The following ADAMTS2 variants were observed in gnomAD, a reference collection of about 807,000 sequenced individuals.
ADAMTS2 encodes the protein ADAM metallopeptidase with thrombospondin type 1 motif 2, also known as A disintegrin and metalloproteinase with thrombospondin motifs 2.
Under a neutral mutation model 123.0 loss-of-function variants are expected in ADAMTS2, and 50 were observed. The ratio of observed to expected loss-of-function variants is 0.41; its 90% CI spans 0.32 to 0.51. The LOEUF (loss-of-function observed/expected upper bound fraction) is 0.51. Among genes scored for constraint, ADAMTS2 ranks in the 20% least tolerant of loss-of-function variants. ADAMTS2 has a pLI of 0.35. For synonymous variants in ADAMTS2, 678 were observed against 695.4 expected, an observed-to-expected ratio of 0.98 and a Z score of 0.39; for missense variants, 1,494 against 1,705.2, an observed-to-expected ratio of 0.88 and a Z score of 2.18.
At chr5:179,134,276 C>T (rs1327315414) in intron 13 of ADAMTS2, among the ~76,000 whole-genome samples, 6 of 152,066 alleles carry the variant, frequency 3.9e-5, no homozygotes, top group Admixed American at 3.9e-4. Context: ...GTATCCAGTT[C>T]TAAGGGACAG....
chr5:179,273,576 T>C (rs1766606061), intron 2 of ADAMTS2, among the ~76,000 whole-genome samples: 1 of 152,124 alleles, frequency 6.6e-6, no homozygotes, highest in Non-Finnish European at 1.5e-5. Flanking sequence ...AAGCTAACAC[T>C]CAGAATGATG....
chr5:179,134,794 C>T (rs539945496), intron 13 of ADAMTS2, among the ~76,000 whole-genome samples: 197 of 58,208 alleles, frequency 3.4e-3, no homozygotes, highest in Middle Eastern at 9.6e-3. Context: ...CTCCCGGCTC[C>T]AGCCCCCAGC....
At chr5:179,217,836 AGAC>A (rs1561811370) in intron 3 of ADAMTS2, among the ~76,000 whole-genome samples, 92 of 86,512 alleles carry the variant, frequency 1.1e-3, no homozygotes, top group African/African-American at 4.2e-3. Flanking sequence ...GCCTGAGGGC[AGAC>A]AGGCACACTC....
At chr5:179,245,780 A>AG (rs1561628444) in intron 3 of ADAMTS2, among the ~76,000 whole-genome samples, 1 of 131,952 alleles carries the variant, frequency 7.6e-6, no homozygotes, top group Non-Finnish European at 1.6e-5. Context: ...AAAAAAAAAA[A>AG]AAAAAAAAAA....
intron 3 of ADAMTS2, among the ~76,000 whole-genome samples, chr5:179,223,469 C>G (rs1012357680): frequency 1.3e-5 from 2 of 150,800 alleles, no homozygotes; most frequent in South Asian, 4.2e-4. Context: ...CACACGAATG[C>G]ACTCACACAC....
At chr5:179,226,186 C>A (rs1765279291) in intron 3 of ADAMTS2, among the ~76,000 whole-genome samples, 1 of 151,342 alleles carries the variant, frequency 6.6e-6, no homozygotes, top group Non-Finnish European at 1.5e-5. Flanking sequence ...AGCAGCTTTT[C>A]TTTTCTTCTT....
In ADAMTS2 at chr5:179,242,821, T is replaced by A. The variant is rs1201687864; in HGVS notation, c.688+30090A>T. On this transcript the variant is annotated intron_variant, in intron 3 of 21. Coordinates refer to ENST00000251582, the MANE Select transcript of ADAMTS2 (RefSeq NM_014244.5). The surrounding 1 kb of genome is among the most constrained non-coding windows in gnomAD (Gnocchi z 4.2). ...GATGGGCCACCAGCGTTTCTCATCATCTCCAACTCCCAGTGACAGAGGGTA... is the reference window on the plus strand; with the variant it reads ...GATGGGCCACCAGCGTTTCTCATCAACTCCAACTCCCAGTGACAGAGGGTA... Among the ~76,000 whole-genome samples the A allele has an allele frequency of 6.6e-6, 1 of 152,062 alleles. No homozygotes were observed. The highest frequency in any genetic ancestry group is 1.9e-4 in the East Asian group (1 of 5,178).
chr5:179,132,207 A>C lies in ADAMTS2; in HGVS notation c.2290+23T>G, dbSNP rs745945253. On this transcript the variant is annotated intron_variant, in intron 15 of 21. Coordinates refer to ENST00000251582, the MANE Select transcript of ADAMTS2 (RefSeq NM_014244.5). This position sits in a 1 kb window ranked among gnomAD's most constrained non-coding sequence, Gnocchi z 6.1. ...GAGGAGCCAGGTCCTGAGGACGTCAAGTTGTCCGGCTCTGAGACTCACCCA... is the reference window on the plus strand; with the variant it reads ...GAGGAGCCAGGTCCTGAGGACGTCACGTTGTCCGGCTCTGAGACTCACCCA... The C allele has an allele frequency of 4.3e-6, 7 of 1,611,948 alleles. No individual in the cohort carries two copies. The highest frequency in any genetic ancestry group is 5.9e-6 in the Non-Finnish European group (7 of 1,178,696).
In ADAMTS2 at chr5:179,155,678, C is replaced by T. The variant is rs975996082; in HGVS notation, c.1133-759G>A. Among the ~76,000 whole-genome samples the T allele has an allele frequency of 2.0e-5, 3 of 152,180 alleles. No homozygotes were observed. Among genetic ancestry groups the T allele is most frequent in the Admixed American group, 6.5e-5 (1 of 15,280 alleles). ...GATGGATAATGAGACCTATTCACTT[C>T]CCCAGCTCCTGTCTCAGCAGAGGGA... On this transcript the variant is annotated intron_variant, in intron 6 of 21. Transcript: ENST00000251582. The surrounding 1 kb of genome is among the most constrained non-coding windows in gnomAD (Gnocchi z 5.1).
chr5:179,152,402 G>T, intron 9 of ADAMTS2, 147 bp from the exon 10 acceptor site: 2 of 809,488 alleles, frequency 2.5e-6, no homozygotes, highest in East Asian at 2.7e-5. Flanking sequence ...TTGTGATTCT[G>T]GGGTGGTGAA....
At chr5:179,336,337 T>C (rs1426175394) in intron 2 of ADAMTS2, among the ~76,000 whole-genome samples, 1 of 152,200 alleles carries the variant, frequency 6.6e-6, no homozygotes, top group African/African-American at 2.4e-5. Context: ...CAAATACCTA[T>C]CCCTGGAGGA....
At chr5:179,299,312 G>A (rs187422692) in intron 2 of ADAMTS2, among the ~76,000 whole-genome samples, 1,700 of 99,824 alleles carry the variant, frequency 0.017, 161 homozygotes, top group African/African-American at 0.05. Context: ...GGCGGATCAC[G>A]AGGTCAGGAG....
intron 5 of ADAMTS2, among the ~76,000 whole-genome samples, chr5:179,159,874 C>A (rs1030325323): frequency 2.0e-5 from 3 of 152,192 alleles, no homozygotes; most frequent in African/African-American, 4.8e-5. Flanking sequence ...TACACAATAT[C>A]ATTTCAAAAG....
At chr5:179,299,292 G>A (rs1484087840) in intron 2 of ADAMTS2, among the ~76,000 whole-genome samples, 2 of 137,844 alleles carry the variant, frequency 1.5e-5, no homozygotes, top group South Asian at 5.1e-4. Flanking sequence ...CACTTTGGGA[G>A]GCTGAGGCGG....
At chr5:179,187,854 C>T (rs1159432827) in intron 4 of ADAMTS2, among the ~76,000 whole-genome samples, 2 of 152,224 alleles carry the variant, frequency 1.3e-5, no homozygotes, top group African/African-American at 4.8e-5. Context: ...GCGCCTTTTG[C>T]TTATGCAAAG....
chr5:179,148,515 T>A (rs897020726), intron 10 of ADAMTS2, among the ~76,000 whole-genome samples: 1 of 152,098 alleles, frequency 6.6e-6, no homozygotes, highest in African/African-American at 2.4e-5. Flanking sequence ...TGAGGTCGCA[T>A]CCCTGTGCAG....
At chr5:179,257,521 C>T (rs1287548830) in intron 3 of ADAMTS2, among the ~76,000 whole-genome samples, 1 of 152,214 alleles carries the variant, frequency 6.6e-6, no homozygotes, top group East Asian at 1.9e-4. Flanking sequence ...GTGCCGCATC[C>T]AACAGCTCTG....
intron 3 of ADAMTS2, among the ~76,000 whole-genome samples, chr5:179,208,117 T>C (rs1764755016): frequency 6.7e-6 from 1 of 149,890 alleles, no homozygotes; most frequent in Non-Finnish European, 1.5e-5. Flanking sequence ...CAGCCCGCAC[T>C]GCCTGACGCT....
chr5:179,290,546 T>A (rs549068086), intron 2 of ADAMTS2, among the ~76,000 whole-genome samples: 1 of 152,256 alleles, frequency 6.6e-6, no homozygotes, highest in Non-Finnish European at 1.5e-5. Flanking sequence ...GTCCTTGTTC[T>A]ACGTTGCATA....
Sources: allele counts gnomAD v4.1 joint callset (sites outside exome capture counted in the v4.1 genomes callset), GRCh38; gene constraint gnomAD v4.1.1; non-coding constraint Gnocchi (gnomAD v3.1); transcripts MANE v1.5; gene names NCBI Gene and HGNC (gene_info 2026-07-23, HGNC 2026-07-21).